Variants in CBY2 observed in about 807,000 individuals in gnomAD.
The protein encoded by CBY2 is chibby family member 2, also known as protein chibby homolog 2.
In CBY2, 23 loss-of-function variants were observed where a neutral mutation model predicts 25.3. The ratio of observed to expected loss-of-function variants is 0.91; its 90% CI spans 0.65 to 1.29. CBY2 has a LOEUF of 1.29. Among genes scored for constraint, CBY2 ranks in the 50% most tolerant of loss-of-function variants. CBY2 has a pLI of 0.00. For missense variants in CBY2, 642 were observed against 590.7 expected, an observed-to-expected ratio of 1.09 and a Z score of -0.90; for synonymous variants, 279 against 260.2, an observed-to-expected ratio of 1.07 and a Z score of -0.70.
chr13:45,714,170 C>A lies in CBY2; in HGVS notation c.1145C>A (p.Thr382Asn). The A allele has an allele frequency of 6.2e-7, 1 of 1,609,382 alleles. No individual in the cohort carries two copies. Among genetic ancestry groups the A allele is most frequent in the Non-Finnish European group, 8.5e-7 (1 of 1,178,612 alleles). Residue 382 changes from threonine to asparagine, a missense_variant, in exon 3 of 3, where the codon ACC (threonine) becomes AAC (asparagine). By Grantham distance (65) the Thr-to-Asn change is moderately conservative. Transcript: ENST00000310521. ...CGGCTCCTGCAGGAGGAGAACAGGA[C>A]CCTGCAGGTGCTACGGGCAGAGCAC... is the stretch of plus-strand genomic sequence containing the variant. ...ENRLLQEENR[T>N]LQVLRAEHRG... is the part of the protein sequence containing the mutation.
At chr13:45,708,817 C>T (rs1950253603) in intron 2 of CBY2, among the ~76,000 whole-genome samples, 1 of 152,162 alleles carries the variant, frequency 6.6e-6, no homozygotes, top group African/African-American at 2.4e-5. Context: ...TGCACTTGAC[C>T]ACTTTCTTGG....
At chr13:45,706,642 A>T (rs1168797767) in intron 2 of CBY2, among the ~76,000 whole-genome samples, 1 of 152,114 alleles carries the variant, frequency 6.6e-6, no homozygotes, top group African/African-American at 2.4e-5. Flanking sequence ...TTTTATTTTC[A>T]TGGTCAGTTG....
intron 2 of CBY2, chr13:45,703,566 G>A: frequency 6.4e-7 from 1 of 1,551,090 alleles, no homozygotes; most frequent in Non-Finnish European, 8.7e-7. Flanking sequence ...GGGTTGAAAT[G>A]TAGGATGGAG....
intron 2 of CBY2, among the ~76,000 whole-genome samples, chr13:45,705,948 C>T (rs936271805): frequency 3.9e-5 from 6 of 152,060 alleles, no homozygotes; most frequent in Non-Finnish European, 5.9e-5. Context: ...GTGGTAGCCA[C>T]ATTTTTCCAG....
rs1414754506 is a variant in CBY2, at chr13:45,702,720, A to C, written c.76-55A>C. 2.9e-6 allele frequency: 4 copies of C among 1,395,604 alleles called. No homozygotes were observed. In the East Asian group the frequency reaches 9.1e-5, roughly 32 times the overall value. 86.5% of individuals were successfully genotyped at this position (1,395,604 alleles called of 1,614,324 possible). On this transcript the variant is annotated intron_variant, in intron 1 of 2. Coordinates refer to ENST00000310521, the MANE Select transcript of CBY2 (RefSeq NM_152719.3). Reference sequence around the variant, plus strand: ...TCTGTGTTTTTTAGGCGAGCAATTGAGGCCCAGAGGATGAGCTGGGAAGCA... The same window carrying C: ...TCTGTGTTTTTTAGGCGAGCAATTGCGGCCCAGAGGATGAGCTGGGAAGCA...
At chr13:45,710,215 A>T (rs1355171730) in intron 2 of CBY2, among the ~76,000 whole-genome samples, 1 of 152,156 alleles carries the variant, frequency 6.6e-6, no homozygotes, top group Non-Finnish European at 1.5e-5. Flanking sequence ...TAGTGCAAGG[A>T]TGGAGAGAAC....
intron 1 of CBY2, 90 bp downstream of exon 1, chr13:45,702,555 T>C: frequency 8.9e-7 from 1 of 1,118,266 alleles, no homozygotes. Flanking sequence ...AAAAGCCTTT[T>C]ACATCAACTA....
Position 45,713,349 on chromosome 13 carries a change from C to G in CBY2, c.324C>G (p.Ser108=). Residue 108 remains serine, a synonymous_variant, in exon 3 of 3, where the codon TCC becomes TCG. Transcript: ENST00000310521. This position sits in a 1 kb window ranked among gnomAD's most constrained non-coding sequence, Gnocchi z 5.0. ...TAGACCCCATGGAGCGCCCCATGTC[C>G]CAGGCCGACCTGGAGCTGGACTACA... ...VPLDPMERPM[S]QADLELDYNP... 1.9e-6 allele frequency: 3 copies of G among 1,614,198 alleles called. No homozygotes were observed. Among genetic ancestry groups the G allele is most frequent in the Non-Finnish European group, 2.5e-6 (3 of 1,180,036 alleles).
chr13:45,705,214 C>A (rs182461768), intron 2 of CBY2, among the ~76,000 whole-genome samples: 1 of 152,310 alleles, frequency 6.6e-6, no homozygotes, highest in East Asian at 1.9e-4. Context: ...ACTTGCAAGC[C>A]ATCAGTGTCA....
rs1950218019 is a variant in CBY2, at chr13:45,702,813, A to T, written c.114A>T (p.Arg38Ser). ...RPNYTRKRDT[R>S]SESLEIPISV... ...ATTATACAAGAAAAAGAGATACCAG[A>T]TCTGAAAGCCTAGAAATTCCAATCA... Residue 38 changes from arginine to serine, a missense_variant, in exon 2 of 3, where the codon AGA becomes AGT. Physicochemically the swap from Arg to Ser is moderately radical, Grantham distance 110. Coordinates refer to ENST00000310521, the MANE Select transcript of CBY2 (RefSeq NM_152719.3). The T allele has an allele frequency of 6.2e-7, 1 of 1,614,038 alleles. No individual in the cohort carries two copies. The highest frequency in any genetic ancestry group is 1.3e-5 in the African/African-American group (1 of 74,922).
intron 2 of CBY2, among the ~76,000 whole-genome samples, chr13:45,710,460 T>A (rs1593356362): frequency 6.6e-6 from 1 of 151,930 alleles, no homozygotes; most frequent in Non-Finnish European, 1.5e-5. Context: ...AAGGCGGAGG[T>A]TGCAGTGAGC....
At chr13:45,702,746 G>A in intron 1 of CBY2, 29 bp from the exon 2 acceptor site, 2 of 1,580,194 alleles carry the variant, frequency 1.3e-6, no homozygotes, top group Non-Finnish European at 1.7e-6. Flanking sequence ...CTGGGAAGCA[G>A]TAATCTTCTT....
At chr13:45,702,904 A>AC in intron 2 of CBY2, 49 bp downstream of exon 2, 2 of 1,415,492 alleles carry the variant, frequency 1.4e-6, no homozygotes, top group Non-Finnish European at 2.0e-6. Flanking sequence ...AGCCAGAATA[A>AC]CCCCCCATCT....
chr13:45,706,481 G>A (rs1052217942), intron 2 of CBY2, among the ~76,000 whole-genome samples: 6 of 152,112 alleles, frequency 3.9e-5, no homozygotes, highest in African/African-American at 1.2e-4. Flanking sequence ...TCTAGCACCC[G>A]ACAGGAAGGC....
At position 45,713,776 on chromosome 13, in the gene CBY2, C is replaced by T. The variant is rs143200378; in HGVS notation, c.751C>T (p.Arg251Trp). 6,897 of 1,599,590 alleles carry T rather than the reference C, an allele frequency of 4.3e-3. 21 individuals carry two copies. Among genetic ancestry groups the T allele is most frequent in the Non-Finnish European group, 5.4e-3 (6,367 of 1,173,310 alleles). ...GKEDSTLQLL[R>W]EENRALQQLL... ...GGAGGACAGCACCCTGCAGCTCCTC[C>T]GGGAGGAGAATCGCGCGCTGCAGCA... The change falls in exon 3 of 3, where the codon CGG becomes TGG. Residue 251 changes from arginine (R) to tryptophan (W), a missense_variant. Transcript: ENST00000310521. This position sits in a 1 kb window ranked among gnomAD's most constrained non-coding sequence, Gnocchi z 5.0.
chr13:45,702,363 G>A lies in CBY2; in HGVS notation c.-28G>A. The A allele has an allele frequency of 6.2e-7, 1 of 1,603,380 alleles. No homozygotes were observed. The highest frequency in any genetic ancestry group is 8.5e-7 in the Non-Finnish European group (1 of 1,170,242). On this transcript the variant is annotated 5_prime_UTR_variant, in exon 1 of 3. Coordinates refer to ENST00000310521, the MANE Select transcript of CBY2 (RefSeq NM_152719.3). ...TGTGATGCTCAGAGAGAAACCATGA[G>A]CCCTGAAAAACACCATATTGTTTTG... is the stretch of plus-strand genomic sequence containing the variant.
chr13:45,712,099 T>C (rs948034159), intron 2 of CBY2, among the ~76,000 whole-genome samples: 1 of 152,218 alleles, frequency 6.6e-6, no homozygotes, highest in Non-Finnish European at 1.5e-5. Flanking sequence ...TTTGGGTGGC[T>C]GTTTGGATGA....
Position 45,702,345 on chromosome 13 carries a change from C to T in CBY2, c.-46C>T. 1 of 1,550,590 alleles carries T rather than the reference C, an allele frequency of 6.4e-7. No homozygotes were observed. The highest frequency in any genetic ancestry group is 8.9e-7 in the Non-Finnish European group (1 of 1,122,262). On this transcript the variant is annotated 5_prime_UTR_variant, in exon 1 of 3. Coordinates refer to ENST00000310521, the MANE Select transcript of CBY2 (RefSeq NM_152719.3). ...AGATGCCTCATTCCCACCTGTGATGCTCAGAGAGAAACCATGAGCCCTGAA... is the reference window on the plus strand; with the variant it reads ...AGATGCCTCATTCCCACCTGTGATGTTCAGAGAGAAACCATGAGCCCTGAA...
At chr13:45,705,711 A>T (rs1243552292) in intron 2 of CBY2, among the ~76,000 whole-genome samples, 2 of 152,020 alleles carry the variant, frequency 1.3e-5, no homozygotes, top group Admixed American at 6.5e-5. Flanking sequence ...AATTTAAAAT[A>T]ATGATAATGA....
Sources: gnomAD v4.1 joint callset for allele counts (sites outside exome capture counted in the v4.1 genomes callset) on GRCh38, gnomAD v4.1.1 for gene constraint, Gnocchi (gnomAD v3.1) non-coding constraint, MANE v1.5 for transcripts, NCBI Gene and HGNC (gene_info 2026-07-23, HGNC 2026-07-21) for gene names.